RARB: variants seen among roughly 807,000 people sequenced by gnomAD.
The protein encoded by RARB is HBV-activated protein.
A neutral mutation model predicts 51.9 loss-of-function variants in RARB; 17 were observed. The ratio of observed to expected loss-of-function variants is 0.33; its 90% confidence interval spans 0.22 to 0.49. RARB has a LOEUF of 0.49. Among genes scored for constraint, RARB ranks in the 20% least tolerant of loss-of-function variants. The pLI, the probability that RARB is intolerant of heterozygous loss-of-function variation, is 0.99. For missense variants in RARB, 369 were observed against 550.8 expected, an observed-to-expected ratio of 0.67 and a Z score of 3.30; for synonymous variants, 215 against 195.4, an observed-to-expected ratio of 1.10 and a Z score of -0.84.
At chr3:25,523,497 C>T (rs192016772) in intron 3 of RARB, among the ~76,000 whole-genome samples, 32 of 152,290 alleles carry the variant, frequency 2.1e-4, no homozygotes, top group Admixed American at 2.1e-3. Context: ...ACATCAATGG[C>T]TAATTAGGGG....
chr3:24,936,795 C>A (rs1695556928), intron 2 of RARB, among the ~76,000 whole-genome samples: 1 of 152,160 alleles, frequency 6.6e-6, no homozygotes. Context: ...TAGTCTAGGG[C>A]TTTTGTGTCA....
chr3:25,089,372 A>G (rs920632264), intron 3 of RARB, among the ~76,000 whole-genome samples: 5 of 152,076 alleles, frequency 3.3e-5, no homozygotes, highest in African/African-American at 4.8e-5. Flanking sequence ...TTTTATATTT[A>G]TTATTTACAC....
intron 5 of RARB, among the ~76,000 whole-genome samples, chr3:25,388,167 C>T (rs1013835594): frequency 6.6e-6 from 1 of 152,060 alleles, no homozygotes; most frequent in Admixed American, 6.5e-5. Flanking sequence ...TGCTGATGTT[C>T]AAAAGTATTG....
intron 2 of RARB, among the ~76,000 whole-genome samples, chr3:25,000,900 C>T (rs1324046184): frequency 1.3e-5 from 2 of 152,048 alleles, no homozygotes; most frequent in African/African-American, 4.8e-5. Flanking sequence ...GTGACTTTTT[C>T]AACAGAAAAA....
At chr3:25,356,702 T>C (rs537636291) in intron 5 of RARB, among the ~76,000 whole-genome samples, 168 of 152,122 alleles carry the variant, frequency 1.1e-3, no homozygotes, top group African/African-American at 3.9e-3. Context: ...GTATGATGTT[T>C]CCCTCCCTGG....
chr3:25,078,194 C>A (rs1037063166), intron 3 of RARB, among the ~76,000 whole-genome samples: 15 of 152,014 alleles, frequency 9.9e-5, no homozygotes, highest in African/African-American at 3.6e-4. Flanking sequence ...TCTAAGAAAT[C>A]TTTGCTTACT....
intron 2 of RARB, among the ~76,000 whole-genome samples, chr3:25,494,253 G>GCACACACGCACGCGCACA (rs757972807): frequency 1.9e-4 from 25 of 131,850 alleles, no homozygotes; most frequent in African/African-American, 6.5e-4. Flanking sequence ...TGTATCTTAC[G>GCACACACGCACGCGCACA]CACACACACA....
chr3:25,146,362 T>G (rs1302999855), intron 4 of RARB, among the ~76,000 whole-genome samples: 1 of 152,180 alleles, frequency 6.6e-6, no homozygotes, highest in Non-Finnish European at 1.5e-5. Flanking sequence ...ACTATTCACT[T>G]TTGTCATTAC....
intron 5 of RARB, among the ~76,000 whole-genome samples, chr3:25,291,887 A>G (rs1181281510): frequency 6.6e-6 from 1 of 152,148 alleles, no homozygotes; most frequent in African/African-American, 2.4e-5. Context: ...ACAAAAGAAC[A>G]TCCTTTTGTT....
intron 2 of RARB, among the ~76,000 whole-genome samples, chr3:24,949,202 G>A (rs530144128): frequency 6.6e-6 from 1 of 152,316 alleles, no homozygotes; most frequent in Admixed American, 6.5e-5. Context: ...AGGTATTGGA[G>A]TATTTGCTGA....
chr3:24,927,624 G>C (rs1421525944), intron 2 of RARB, among the ~76,000 whole-genome samples: 2 of 152,028 alleles, frequency 1.3e-5, no homozygotes, highest in Non-Finnish European at 1.5e-5. Flanking sequence ...TTTAAAGTTT[G>C]TATAGCCAAG....
chr3:25,012,175 A>G lies in RARB; in HGVS notation c.-379-47950A>G, dbSNP rs571923900. The stretch of plus-strand genomic sequence containing the variant: ...ACATTGACCCCACTAAACATTGAAC[A>G]GGAAATCAAAGGCACTTCAAAAGCA... On this transcript the variant is annotated intron_variant, in intron 2 of 11. Coordinates refer to the RARB transcript ENST00000383772. Among the ~76,000 whole-genome samples, 174 of 152,272 alleles carry G rather than the reference A, an allele frequency of 1.1e-3. 1 individual carries two copies. The highest frequency in any genetic ancestry group is 2.2e-3 in the Non-Finnish European group (148 of 67,994).
intron 2 of RARB, among the ~76,000 whole-genome samples, chr3:24,938,108 T>A (rs1464746287): frequency 6.6e-6 from 1 of 152,058 alleles, no homozygotes; most frequent in Non-Finnish European, 1.5e-5. Flanking sequence ...GATGGAGAGC[T>A]TGAGAGGTGA....
intron 1 of RARB, among the ~76,000 whole-genome samples, chr3:24,855,778 C>G (rs1185366537): frequency 7.9e-6 from 1 of 126,864 alleles, no homozygotes; most frequent in Non-Finnish European, 1.6e-5. Flanking sequence ...GACAGAGTCA[C>G]TCTCTGTCGC....
intron 5 of RARB, among the ~76,000 whole-genome samples, chr3:25,218,436 A>G (rs1701880533): frequency 6.6e-6 from 1 of 152,154 alleles, no homozygotes; most frequent in African/African-American, 2.4e-5. Flanking sequence ...TCACTTGTGA[A>G]AAGTGTCATT....
At chr3:25,212,146 G>C (rs1200439381) in intron 5 of RARB, among the ~76,000 whole-genome samples, 1 of 152,096 alleles carries the variant, frequency 6.6e-6, no homozygotes, top group Non-Finnish European at 1.5e-5. Context: ...AATGGGTTGT[G>C]ATTAAAAAGT....
At chr3:25,041,934 G>A (rs562279377) in intron 2 of RARB, among the ~76,000 whole-genome samples, 23 of 152,278 alleles carry the variant, frequency 1.5e-4, no homozygotes, top group African/African-American at 5.3e-4. Flanking sequence ...GGACTGAATT[G>A]ATGTTGCAGT....
Position 24,844,726 on chromosome 3 carries a change from T to C in RARB, c.-458-13948T>C, listed in dbSNP as rs754822513. 1.3e-5 allele frequency among the ~76,000 whole-genome samples: 2 copies of C among 152,208 alleles called. 1 individual carries two copies. Among genetic ancestry groups the C allele is most frequent in the Non-Finnish European group, 2.9e-5 (2 of 68,048 alleles). On this transcript the variant is annotated intron_variant, in intron 1 of 11. Transcript: ENST00000383772. ...ATCTAAATGGAATTTTATCAACTTATACACAGAGTATATTTCAGTGAAGTT... is the reference window on the plus strand; with the variant it reads ...ATCTAAATGGAATTTTATCAACTTACACACAGAGTATATTTCAGTGAAGTT...
chr3:25,334,542 G>A (rs1444398217), intron 5 of RARB, among the ~76,000 whole-genome samples: 1 of 152,018 alleles, frequency 6.6e-6, no homozygotes, highest in Non-Finnish European at 1.5e-5. Flanking sequence ...GGTGGAGGGA[G>A]CGGGGAAGGA....
Sources: gnomAD v4.1 joint callset for allele counts (sites outside exome capture counted in the v4.1 genomes callset) on GRCh38, gnomAD v4.1.1 for gene constraint, MANE v1.5 for transcripts, NCBI Gene and HGNC (gene_info 2026-07-23, HGNC 2026-07-21) for gene names.